Variants in EDIL3 observed in about 807,000 individuals in gnomAD.
EDIL3 encodes EGF like and discoidin domains 3, also known as EGF-like repeat and discoidin I-like domain-containing protein 3.
Under a neutral mutation model 67.4 loss-of-function variants are expected in EDIL3, and 37 were observed. The ratio of observed to expected loss-of-function variants is 0.55; its 90% CI spans 0.42 to 0.72. The LOEUF is 0.72. Among genes scored for constraint, EDIL3 ranks in the 30% least tolerant of loss-of-function variants. EDIL3 has a pLI of 0.00. For missense variants in EDIL3, 527 were observed against 586.3 expected (o/e 0.90, Z 1.04); for synonymous variants, 195 against 196.3 (o/e 0.99, Z 0.05).
intron 6 of EDIL3, among the ~76,000 whole-genome samples, chr5:84,070,578 T>C (rs1358342929): frequency 6.6e-6 from 1 of 151,360 alleles, no homozygotes; most frequent in Admixed American, 6.6e-5. Context: ...TATATACTAA[T>C]AAGACATTTA....
chr5:84,323,748 C>T (rs186248002), intron 1 of EDIL3, among the ~76,000 whole-genome samples: 1 of 151,536 alleles, frequency 6.6e-6, no homozygotes, highest in Non-Finnish European at 1.5e-5. Context: ...ACATTGTAAC[C>T]AAAAGAGAGC....
chr5:84,220,392 G>A (rs764446143), intron 3 of EDIL3, among the ~76,000 whole-genome samples: 2 of 152,112 alleles, frequency 1.3e-5, no homozygotes, highest in South Asian at 2.1e-4. Context: ...AAGTTACAAC[G>A]CATGACAATG....
At chr5:84,163,311 G>C (rs756535255) in intron 4 of EDIL3, among the ~76,000 whole-genome samples, 1 of 152,072 alleles carries the variant, frequency 6.6e-6, no homozygotes, top group Non-Finnish European at 1.5e-5. Context: ...TTGCTCTGAA[G>C]AGGAAAGAGA....
rs557182844 is a variant in EDIL3, at chr5:84,165,559, C to A, written c.355+14834G>T. ...TGAGAATGTAGCATTAAGGCATACA[C>A]AACTGGGAAATAGTAGCTGACAATG... On this transcript the variant is annotated intron_variant, in intron 4 of 10. Transcript: ENST00000296591. Among the ~76,000 whole-genome samples the A allele has an allele frequency of 2.0e-5, 3 of 152,178 alleles. No individual in the cohort carries two copies. The East Asian group carries it at 5.8e-4, about 29-fold the overall frequency.
At chr5:83,954,496 C>T (rs1359867949) in intron 10 of EDIL3, among the ~76,000 whole-genome samples, 1 of 151,636 alleles carries the variant, frequency 6.6e-6, no homozygotes, top group Non-Finnish European at 1.5e-5. Context: ...TCCTCTCTCT[C>T]TTGCTCCCTC....
At chr5:84,180,214 C>T (rs1180023135) in intron 4 of EDIL3, among the ~76,000 whole-genome samples, 179 bp downstream of exon 4, 1 of 152,134 alleles carries the variant, frequency 6.6e-6, no homozygotes, top group African/African-American at 2.4e-5. Flanking sequence ...GATTGAAACA[C>T]AGTCTAGGAG....
intron 4 of EDIL3, among the ~76,000 whole-genome samples, chr5:84,161,523 A>T (rs539274937): frequency 6.6e-6 from 1 of 152,170 alleles, no homozygotes; most frequent in South Asian, 2.1e-4. Flanking sequence ...CTAATACTAG[A>T]TATTTGTTTC....
intron 1 of EDIL3, among the ~76,000 whole-genome samples, chr5:84,331,137 T>G (rs1304039631): frequency 6.6e-6 from 1 of 152,206 alleles, no homozygotes; most frequent in Non-Finnish European, 1.5e-5. Context: ...TAGGAAATAA[T>G]TAACTTGCTT....
In EDIL3 at chr5:84,215,652, G is replaced by A. The variant is rs1036858619; in HGVS notation, c.226+14203C>T. On this transcript the variant is annotated intron_variant, in intron 3 of 10. Transcript: ENST00000296591. The stretch of plus-strand genomic sequence containing the variant: ...TGTGAACTTTTTAGAGACAAAGGAA[G>A]GCCTCTCTGAGAATGCACCTTCATG... Among the ~76,000 whole-genome samples, 9 of 152,172 alleles carry A rather than the reference G, an allele frequency of 5.9e-5. No homozygotes were observed. The South Asian group carries it at 1.9e-3, about 32-fold the overall frequency.
intron 1 of EDIL3, among the ~76,000 whole-genome samples, chr5:84,333,074 GT>G (rs1217165142): frequency 6.6e-6 from 1 of 152,110 alleles, no homozygotes; most frequent in Non-Finnish European, 1.5e-5. Flanking sequence ...GAGAAAACTT[GT>G]GCAAAACTCT....
At chr5:84,209,630 CTT>C (rs1246931518) in intron 3 of EDIL3, among the ~76,000 whole-genome samples, 1 of 112,816 alleles carries the variant, frequency 8.9e-6, no homozygotes, top group African/African-American at 3.3e-5. Flanking sequence ...ATTAACTAAA[CTT>C]ATTAAAAAAA....
At chr5:84,058,292 G>C (rs1265033325) in intron 9 of EDIL3, among the ~76,000 whole-genome samples, 1 of 151,942 alleles carries the variant, frequency 6.6e-6, no homozygotes, top group African/African-American at 2.4e-5. Flanking sequence ...TGAAACAGAG[G>C]GAGTAATGAA....
chr5:84,285,188 C>A (rs1314775713), intron 1 of EDIL3, among the ~76,000 whole-genome samples: 6 of 152,140 alleles, frequency 3.9e-5, no homozygotes, highest in Admixed American at 3.9e-4. Flanking sequence ...ACTTACATAA[C>A]CTGAATTGCA....
chr5:84,179,404 G>A (rs73136271), intron 4 of EDIL3, among the ~76,000 whole-genome samples: 2,793 of 152,156 alleles, frequency 0.018, 62 homozygotes, highest in African/African-American at 0.064. Context: ...AAGCACACAC[G>A]CCCATGCACT....
intron 10 of EDIL3, among the ~76,000 whole-genome samples, chr5:83,961,035 C>T (rs1744598097): frequency 6.6e-6 from 1 of 150,836 alleles, no homozygotes; most frequent in Non-Finnish European, 1.5e-5. Flanking sequence ...AAATCATATG[C>T]TAAGGTAGCA....
chr5:84,008,600 A>T (rs1353875897), intron 9 of EDIL3, among the ~76,000 whole-genome samples: 1 of 152,170 alleles, frequency 6.6e-6, no homozygotes, highest in Non-Finnish European at 1.5e-5. Flanking sequence ...GGGTTAGGAG[A>T]AAAATGATAT....
At chr5:83,963,083 T>G in intron 10 of EDIL3, 122 bp downstream of exon 10, 5 of 1,237,626 alleles carry the variant, frequency 4.0e-6, no homozygotes, top group Non-Finnish European at 5.3e-6. Flanking sequence ...TTATTTAACA[T>G]ATATTTTCAG....
At chr5:84,369,851 T>G (rs1272661388) in intron 1 of EDIL3, among the ~76,000 whole-genome samples, 9 of 152,176 alleles carry the variant, frequency 5.9e-5, no homozygotes, top group Non-Finnish European at 1.0e-4. Flanking sequence ...TTAAAGATAC[T>G]TATTTAGCTA....
chr5:83,944,396 C>CTTTT (rs35919017), intron 10 of EDIL3, among the ~76,000 whole-genome samples: 2 of 117,118 alleles, frequency 1.7e-5, no homozygotes, highest in African/African-American at 3.1e-5. Context: ...TGTAAAAATG[C>CTTTT]TTTTTTTTTT....
Sources: gnomAD v4.1 joint callset for allele counts (sites outside exome capture counted in the v4.1 genomes callset) on GRCh38, gnomAD v4.1.1 for gene constraint, MANE v1.5 for transcripts, NCBI Gene and HGNC (gene_info 2026-07-23, HGNC 2026-07-21) for gene names.